The following DSCAM variants were observed in gnomAD, a reference collection of about 807,000 sequenced individuals.
The protein encoded by DSCAM is cell adhesion molecule DSCAM.
In DSCAM, 47 loss-of-function variants were observed where a neutral mutation model predicts 217.7. The observed-to-expected ratio is 0.22, with a 90% CI of 0.17 to 0.28. The LOEUF (loss-of-function observed/expected upper bound fraction) is 0.28. DSCAM is among the 10% of genes least tolerant of loss of function. The pLI is 1.00. For synonymous variants in DSCAM, 1,056 were observed against 1,015.3 expected, an observed-to-expected ratio of 1.04 and a Z score of -0.76; for missense variants, 2,080 against 2,618.3, an observed-to-expected ratio of 0.79 and a Z score of 4.49.
chr21:40,655,889 C>CG (rs917905794), intron 3 of DSCAM, among the ~76,000 whole-genome samples: 1 of 151,970 alleles, frequency 6.6e-6, no homozygotes, highest in African/African-American at 2.4e-5. Context: ...CCCATCTCTA[C>CG]GAAAAATACA....
At chr21:40,546,146 A>T (rs79287482) in intron 3 of DSCAM, among the ~76,000 whole-genome samples, 1,617 of 152,346 alleles carry the variant, frequency 0.011, 26 homozygotes, top group African/African-American at 0.037. Context: ...GGACACAAGC[A>T]TTTTTAAAGA....
At chr21:40,350,676 C>A (rs534514166) in intron 5 of DSCAM, among the ~76,000 whole-genome samples, 2 of 151,918 alleles carry the variant, frequency 1.3e-5, no homozygotes, top group East Asian at 1.9e-4. Context: ...CCACAGATAT[C>A]AAGGGTGCAT....
chr21:40,688,703 A>C (rs1293561234), intron 3 of DSCAM, among the ~76,000 whole-genome samples: 1 of 151,790 alleles, frequency 6.6e-6, no homozygotes, highest in Non-Finnish European at 1.5e-5. Context: ...TTACGACCCC[A>C]CCCCCATCCA....
intron 11 of DSCAM, among the ~76,000 whole-genome samples, chr21:40,239,766 C>T (rs1349692477): frequency 1.3e-5 from 2 of 152,174 alleles, no homozygotes; most frequent in African/African-American, 4.8e-5. Context: ...GTTCCCAAAG[C>T]ACTCAAAAGT....
Position 40,819,321 on chromosome 21 carries a change from T to C in DSCAM, c.43+27298A>G, listed in dbSNP as rs189315543. 2.6e-5 allele frequency among the ~76,000 whole-genome samples: 4 copies of C among 152,360 alleles called. No homozygotes were observed. In the East Asian group the frequency reaches 7.7e-4, roughly 29 times the overall value. On this transcript the variant is annotated intron_variant, in intron 1 of 32. Transcript: ENST00000400454. ...CTCAAACCACAGCACTGTGCTGGGC[T>C]GCACCCAGGCAGGGGAGCTTTTCAG...
chr21:40,659,391 ATCATCTC>A (rs2090113102), intron 3 of DSCAM, among the ~76,000 whole-genome samples: 1 of 139,900 alleles, frequency 7.1e-6, no homozygotes, highest in African/African-American at 3.0e-5. Flanking sequence ...CTATCTATCT[ATCATCTC>A]TCTCATCTCT....
At position 40,339,420 on chromosome 21, in the gene DSCAM, A is replaced by G; in HGVS notation, c.1211-5T>C. The G allele has an allele frequency of 6.3e-7, 1 of 1,591,290 alleles. No individual in the cohort carries two copies. On this transcript the variant is annotated splice_polypyrimidine_tract_variant and splice_region_variant and intron_variant, in intron 6 of 32. Coordinates refer to ENST00000400454, the MANE Select transcript of DSCAM (RefSeq NM_001389.5). ...AAATAATTTTGGGAGTTCCATCTGC[A>G]GGAAAACAAATTATGGAAGAAAGTG...
intron 1 of DSCAM, among the ~76,000 whole-genome samples, chr21:40,767,704 T>C (rs539266281): frequency 6.6e-6 from 1 of 152,334 alleles, no homozygotes; most frequent in Admixed American, 6.5e-5. Context: ...TCACTTGCTA[T>C]TAATCCCAGC....
chr21:40,207,549 C>T (rs908403572), intron 11 of DSCAM, among the ~76,000 whole-genome samples: 9 of 152,186 alleles, frequency 5.9e-5, no homozygotes, highest in Non-Finnish European at 1.3e-4. Context: ...TGGCTCATTG[C>T]AATCTTATTG....
chr21:40,540,868 T>C (rs902748763), intron 3 of DSCAM, among the ~76,000 whole-genome samples: 1 of 152,138 alleles, frequency 6.6e-6, no homozygotes, highest in African/African-American at 2.4e-5. Context: ...GAATCCCATA[T>C]ATATTACTTT....
At position 40,472,270 on chromosome 21, in the gene DSCAM, TAGACTC is replaced by T. The variant is rs1569137508; in HGVS notation, c.509-103031_509-103026del. Among the ~76,000 whole-genome samples the T allele has an allele frequency of 5.3e-5, 8 of 152,360 alleles. No individual in the cohort carries two copies. The South Asian group carries it at 1.5e-3, about 28-fold the overall frequency. ...TGTGGACACTTCATTCTTCAGTGCT[TAGACTC>T]AGAACAGATGATGTCACATTTTAAA... On this transcript the variant is annotated intron_variant, in intron 3 of 32. Transcript: ENST00000400454.
chr21:40,646,961 A>G (rs772387725), intron 3 of DSCAM, among the ~76,000 whole-genome samples: 1 of 152,234 alleles, frequency 6.6e-6, no homozygotes. Flanking sequence ...CCATCACTCT[A>G]TACTTTCTTG....
At chr21:40,046,281 G>A (rs2142123) in intron 30 of DSCAM, among the ~76,000 whole-genome samples, 21,802 of 152,146 alleles carry the variant, frequency 0.14, 2,917 homozygotes, top group African/African-American at 0.36. Context: ...GGAGAGGTGC[G>A]TTAAGATGGC....
intron 11 of DSCAM, among the ~76,000 whole-genome samples, chr21:40,261,307 T>C: frequency 6.6e-6 from 1 of 152,228 alleles, no homozygotes; most frequent in Non-Finnish European, 1.5e-5. Context: ...TGGTCAAACA[T>C]GATTCTATAT....
At chr21:40,814,920 G>A (rs1027571643) in intron 1 of DSCAM, among the ~76,000 whole-genome samples, 2 of 152,174 alleles carry the variant, frequency 1.3e-5, no homozygotes, top group Non-Finnish European at 2.9e-5. Context: ...AGCAATTAGC[G>A]AGGTGATTGC....
chr21:40,272,084 T>G (rs1381920655), intron 11 of DSCAM, among the ~76,000 whole-genome samples: 1 of 152,072 alleles, frequency 6.6e-6, no homozygotes, highest in East Asian at 1.9e-4. Context: ...TATTTTTTTT[T>G]TTTTTAACAT....
At chr21:40,694,774 G>A (rs947184317) in intron 2 of DSCAM, among the ~76,000 whole-genome samples, 5 of 151,952 alleles carry the variant, frequency 3.3e-5, no homozygotes, top group African/African-American at 1.2e-4. Flanking sequence ...TCCTTACACC[G>A]AGAGGAGGGA....
At chr21:40,820,101 C>T (rs1178722421) in intron 1 of DSCAM, among the ~76,000 whole-genome samples, 5 of 152,124 alleles carry the variant, frequency 3.3e-5, no homozygotes, top group African/African-American at 9.7e-5. Context: ...CCAGCAATCC[C>T]ATTACGGGGT....
At chr21:40,067,627 T>C (rs2089226604) in intron 27 of DSCAM, among the ~76,000 whole-genome samples, 1 of 152,152 alleles carries the variant, frequency 6.6e-6, no homozygotes, top group Non-Finnish European at 1.5e-5. Context: ...ATACAGAGTA[T>C]GTTTTGAAAA....
Sources: allele counts gnomAD v4.1 joint callset (sites outside exome capture counted in the v4.1 genomes callset), GRCh38; gene constraint gnomAD v4.1.1; transcripts MANE v1.5; gene names NCBI Gene and HGNC (gene_info 2026-07-23, HGNC 2026-07-21).